Variants in ZNF345 observed in about 807,000 individuals in gnomAD.
ZNF345 encodes zinc finger protein 345, also known as zinc finger protein HZF10.
For synonymous variants in ZNF345, 166 were observed against 187.9 expected, an observed-to-expected ratio of 0.88 and a Z score of 0.95; for missense variants, 527 against 589.9, an observed-to-expected ratio of 0.89 and a Z score of 1.10.
At position 36,852,128 on chromosome 19, in the gene ZNF345, C is replaced by CTTTTT. The variant is rs35747733; in HGVS notation, c.-47+239_-47+243dup. Among the ~76,000 whole-genome samples the CTTTTT allele has an allele frequency of 9.0e-3, 924 of 102,564 alleles. 1 individual carries two copies. Among genetic ancestry groups the CTTTTT allele is most frequent in the East Asian group, 0.019 (65 of 3,416 alleles). The allele number at this position is 102,564 out of a possible 152,430, so 67.3% of individuals were successfully genotyped here. ...CTTTTTCTTTTTTTTTTCTTTCTTT[C>CTTTTT]TTTTTTTTTTTTTTTTTTTGAGACA... On this transcript the variant is annotated intron_variant, in intron 2 of 2. Transcript: ENST00000420450.
intron 2 of ZNF345, among the ~76,000 whole-genome samples, chr19:36,873,235 G>A (rs368175447): frequency 4.6e-5 from 7 of 151,708 alleles, no homozygotes; most frequent in African/African-American, 1.2e-4. Context: ...GAGAATATAC[G>A]TTGTGACTTT....
chr19:36,892,752 C>T, intron 3 of ZNF345: 1 of 504,476 alleles, frequency 2.0e-6, no homozygotes, highest in South Asian at 4.7e-5. Flanking sequence ...CAGTGTTCAG[C>T]ACCATCCTCC....
At chr19:36,870,944 T>C (rs2072758830) in intron 2 of ZNF345, among the ~76,000 whole-genome samples, 1 of 152,160 alleles carries the variant, frequency 6.6e-6, no homozygotes. Context: ...ATTTCAAACA[T>C]AGAGAAAAAA....
In ZNF345 at chr19:36,860,934, G is replaced by T. The variant is rs572571818; in HGVS notation, c.-47+9030G>T. ...ATTAGTAAGATGTAATAGTAATAAT[G>T]GGAGGGTTTTTTTTTTGTTTGATTT... is the stretch of plus-strand genomic sequence containing the variant. On this transcript the variant is annotated intron_variant, in intron 2 of 2. Transcript: ENST00000420450. Among the ~76,000 whole-genome samples, 4 of 152,024 alleles carry T rather than the reference G, an allele frequency of 2.6e-5. No homozygotes were observed. The East Asian group carries it at 7.7e-4, about 29-fold the overall frequency.
At chr19:36,868,921 T>G (rs1451920258) in intron 2 of ZNF345, among the ~76,000 whole-genome samples, 1 of 152,166 alleles carries the variant, frequency 6.6e-6, no homozygotes, top group African/African-American at 2.4e-5. Flanking sequence ...GCTTTTCATT[T>G]CAAAGGCCAC....
At chr19:36,854,250 T>TA (rs1555719436) in intron 2 of ZNF345, among the ~76,000 whole-genome samples, 1 of 151,546 alleles carries the variant, frequency 6.6e-6, no homozygotes, top group African/African-American at 2.4e-5. Flanking sequence ...TTTTTTTTTT[T>TA]ATTGAGCACC....
At chr19:36,861,903 C>T (rs1282791716) in intron 2 of ZNF345, among the ~76,000 whole-genome samples, 1 of 148,370 alleles carries the variant, frequency 6.7e-6, no homozygotes, top group Non-Finnish European at 1.5e-5. Flanking sequence ...GCCCTGTCAC[C>T]CAGGCTGCAG....
intron 2 of ZNF345, among the ~76,000 whole-genome samples, chr19:36,853,236 T>G (rs7257651): frequency 0.017 from 2,501 of 149,128 alleles, 83 homozygotes; most frequent in African/African-American, 0.059. Flanking sequence ...AAGCTTGCTT[T>G]CTTTCTTTCT....
chr19:36,866,255 T>C (rs1479294227), intron 2 of ZNF345, among the ~76,000 whole-genome samples: 2 of 152,152 alleles, frequency 1.3e-5, no homozygotes, highest in East Asian at 1.9e-4. Context: ...TGAAATATTT[T>C]ATATATTCAA....
chr19:36,878,258 T>G lies in ZNF345; in HGVS notation c.1428T>G (p.His476Gln). ...AGTTTCAGCAACATAAGAAAAGTCA[T>G]AATGGTAAGAAACTCTGCGAATTGG... The part of the protein sequence containing the change: ...DSEFQQHKKS[H>Q]NGKKLCELET... Residue 476 changes from histidine to glutamine, a missense_variant, in exon 3 of 3, where the codon CAT (histidine) becomes CAG (glutamine). Coordinates refer to ENST00000420450, the MANE Select transcript of ZNF345 (RefSeq NM_001242472.2). 1 of 1,600,860 alleles carries G rather than the reference T, an allele frequency of 6.2e-7. No individual in the cohort carries two copies. Among genetic ancestry groups the G allele is most frequent in the Non-Finnish European group, 8.5e-7 (1 of 1,175,504 alleles).
intron 2 of ZNF345, among the ~76,000 whole-genome samples, chr19:36,864,820 G>T (rs2072625330): frequency 6.6e-6 from 1 of 152,096 alleles, no homozygotes; most frequent in Non-Finnish European, 1.5e-5. Context: ...ATACGTGCAG[G>T]GTTGGCATCT....
chr19:36,875,100 A>G (rs1408171233), intron 2 of ZNF345, among the ~76,000 whole-genome samples: 1 of 152,160 alleles, frequency 6.6e-6, no homozygotes, highest in Non-Finnish European at 1.5e-5. Context: ...ATTAATAGAT[A>G]TTATCTTTGT....
At chr19:36,892,948 A>T in exon 4 of ZNF345, 1 of 638,912 alleles carries the variant, frequency 1.6e-6, no homozygotes, top group Middle Eastern at 2.7e-4. Flanking sequence ...AGGACAGGCC[A>T]GCAGGATGCC....
chr19:36,863,686 C>G (rs2072602069), intron 2 of ZNF345, among the ~76,000 whole-genome samples: 1 of 152,210 alleles, frequency 6.6e-6, no homozygotes, highest in Non-Finnish European at 1.5e-5. Flanking sequence ...TATGGAAATG[C>G]TCTCATTCTC....
intron 3 of ZNF345, among the ~76,000 whole-genome samples, chr19:36,887,578 T>C (rs1043818038): frequency 6.6e-6 from 1 of 152,190 alleles, no homozygotes; most frequent in African/African-American, 2.4e-5. Context: ...AAATAGTCAT[T>C]CCTGTGTATC....
chr19:36,855,758 T>TG (rs2072404738), intron 2 of ZNF345, among the ~76,000 whole-genome samples: 4 of 248 alleles, frequency 0.016, no homozygotes, highest in African/African-American at 0.067. Flanking sequence ...GGCCCATGTT[T>TG]CTTTTTAACT....
chr19:36,876,701 G>A, intron 2 of ZNF345, 84 bp from the exon 3 acceptor site: 2 of 893,242 alleles, frequency 2.2e-6, no homozygotes, highest in Non-Finnish European at 3.3e-6. Flanking sequence ...TTAAATTGTA[G>A]TTAAGTCTTT....
At chr19:36,866,806 CT>C (rs972051627) in intron 2 of ZNF345, among the ~76,000 whole-genome samples, 2 of 152,220 alleles carry the variant, frequency 1.3e-5, no homozygotes, top group African/African-American at 4.8e-5. Context: ...TTGCCTCGGC[CT>C]TCCAAAGTGC....
At chr19:36,866,618 C>T (rs2072665336) in intron 2 of ZNF345, among the ~76,000 whole-genome samples, 1 of 152,186 alleles carries the variant, frequency 6.6e-6, no homozygotes, top group African/African-American at 2.4e-5. Context: ...GGCATAATCT[C>T]GTCTCACTGC....
Sources: allele counts gnomAD v4.1 joint callset (sites outside exome capture counted in the v4.1 genomes callset), GRCh38; gene constraint gnomAD v4.1.1; transcripts MANE v1.5; gene names NCBI Gene and HGNC (gene_info 2026-07-23, HGNC 2026-07-21).